The following CHD8 variants were observed in gnomAD, a reference collection of about 807,000 sequenced individuals.
The protein encoded by CHD8 is ATP-dependent chromatin remodeler CHD8.
CHD8 carries 31 observed loss-of-function variants against 279.2 expected under a neutral mutation model. The observed-to-expected ratio is 0.11, with a 90% CI of 0.08 to 0.15. The LOEUF (loss-of-function observed/expected upper bound fraction) is 0.15. CHD8 is among the 10% of genes least tolerant of loss of function. The probability of loss-of-function intolerance (pLI) is 1.00; values close to 1 mark genes in which losing one functional copy is unlikely to be tolerated. For synonymous variants in CHD8, 1,081 were observed against 1,139.6 expected (o/e 0.95, Z 1.04); for missense variants, 2,146 against 3,230.5 (o/e 0.66, Z 8.14).
At chr14:21,412,070 A>C (rs1389073153) in intron 10 of CHD8, among the ~76,000 whole-genome samples, 1 of 152,004 alleles carries the variant, frequency 6.6e-6, no homozygotes, top group Non-Finnish European at 1.5e-5. Flanking sequence ...CTCAAAAAAA[A>C]ACCAAAAAAA....
In CHD8 at chr14:21,387,638, CAAAAA is replaced by C. The variant is rs34278173; in HGVS notation, c.7183-1467_7183-1463del. Among the ~76,000 whole-genome samples, 9 of 68,502 alleles carry C rather than the reference CAAAAA, an allele frequency of 1.3e-4. 1 individual carries two copies. Among genetic ancestry groups the C allele is most frequent in the Non-Finnish European group, 2.1e-4 (8 of 37,514 alleles). The allele number at this position is 68,502 out of a possible 152,430, so 44.9% of individuals were successfully genotyped here. A position where few individuals can be genotyped will look rare whatever the true frequency, so the allele number is the denominator to read the frequency against. Reference sequence around the variant, plus strand: ...GGACAACAAGAGTGAAACTCTGTATCAAAAAAAAAAAAAAAAAAAAAGCTGGGTGT... The same window carrying C: ...GGACAACAAGAGTGAAACTCTGTATCAAAAAAAAAAAAAAAAGCTGGGTGT... On this transcript the variant is annotated intron_variant, in intron 37 of 37. Transcript: ENST00000646647.
chr14:21,388,518 G>T (rs778270048), intron 37 of CHD8, among the ~76,000 whole-genome samples: 7 of 152,092 alleles, frequency 4.6e-5, no homozygotes, highest in Non-Finnish European at 1.0e-4. Flanking sequence ...TTGAGGCAGG[G>T]TCTCACACTC....
intron 1 of CHD8, among the ~76,000 whole-genome samples, chr14:21,442,028 C>T (rs1369788449): frequency 6.6e-6 from 1 of 152,188 alleles, no homozygotes; most frequent in Non-Finnish European, 1.5e-5. Flanking sequence ...TTATTAGCAA[C>T]TAAGTGTTAG....
chr14:21,414,178 T>G (rs1888623043), intron 9 of CHD8, 123 bp downstream of exon 9: 2 of 612,488 alleles, frequency 3.3e-6, no homozygotes, highest in East Asian at 2.8e-5. Flanking sequence ...TGACCAAAAT[T>G]GAAAGTTTAC....
At chr14:21,395,618 T>C (rs1448944980) in intron 28 of CHD8, 199 bp downstream of exon 28, 1 of 595,664 alleles carries the variant, frequency 1.7e-6, no homozygotes, top group Non-Finnish European at 3.0e-6. Context: ...AGTGTCCAGC[T>C]CCTCCATAAA....
chr14:21,399,925 C>A (rs1477726614), intron 25 of CHD8, 56 bp downstream of exon 25: 1 of 1,407,876 alleles, frequency 7.1e-7, no homozygotes, highest in Non-Finnish European at 1.0e-6. Context: ...ATAAGCAAAC[C>A]AATCTTCCCT....
At chr14:21,386,830 C>T (rs1488891723) in intron 37 of CHD8, among the ~76,000 whole-genome samples, 1 of 122,186 alleles carries the variant, frequency 8.2e-6, no homozygotes, top group Non-Finnish European at 1.8e-5. Context: ...CAGCGAGACT[C>T]CGTCTCAAAA....
intron 20 of CHD8, 33 bp from the exon 21 acceptor site, chr14:21,401,546 CTTTTT>C: frequency 2.3e-6 from 2 of 874,330 alleles, no homozygotes; most frequent in Non-Finnish European, 3.3e-6. Context: ...GTAAAGCTGA[CTTTTT>C]TTTTTAAGTG....
intron 28 of CHD8, 52 bp from the exon 29 acceptor site, chr14:21,395,404 A>T (rs924890568): frequency 7.7e-7 from 1 of 1,295,586 alleles, no homozygotes; most frequent in Non-Finnish European, 1.1e-6. Context: ...AAAGGGGGGG[A>T]AGTTGGCACT....
At chr14:21,418,549 C>A (rs1354791573) in intron 5 of CHD8, among the ~76,000 whole-genome samples, 7 of 145,158 alleles carry the variant, frequency 4.8e-5, no homozygotes, top group Non-Finnish European at 1.1e-4. Flanking sequence ...GGCGCGGTGG[C>A]CCACGCCTGT....
At chr14:21,429,526 T>C in intron 2 of CHD8, 191 bp from the exon 3 acceptor site, 1 of 740,920 alleles carries the variant, frequency 1.3e-6, no homozygotes, top group South Asian at 1.4e-5. Flanking sequence ...GGTCTCGCTG[T>C]ATTGCCCAGG....
At chr14:21,427,752 C>A in intron 4 of CHD8, 117 bp downstream of exon 4, 1 of 1,524,770 alleles carries the variant, frequency 6.6e-7, no homozygotes, top group South Asian at 1.3e-5. Flanking sequence ...TGCTCTTGCC[C>A]TTTGTTTTGG....
In CHD8 at chr14:21,416,083, C is replaced by G. The variant is rs1282952522; in HGVS notation, c.1717-176G>C. The G allele has an allele frequency of 5.7e-6, 3 of 521,898 alleles. No individual in the cohort carries two copies. The East Asian group carries it at 9.2e-5, about 16-fold the overall frequency. The allele number at this position is 521,898 out of a possible 1,614,324, so 32.3% of individuals were successfully genotyped here. ...CAATGTGATTATGCTATGTACTGACCATATATCAATTTGCTTAACTGCTTT... is the reference window on the plus strand; with the variant it reads ...CAATGTGATTATGCTATGTACTGACGATATATCAATTTGCTTAACTGCTTT... On this transcript the variant is annotated intron_variant, in intron 5 of 37. Transcript: ENST00000646647.
chr14:21,438,737 C>T (rs1889882564), intron 1 of CHD8, among the ~76,000 whole-genome samples: 1 of 151,732 alleles, frequency 6.6e-6, no homozygotes, highest in Non-Finnish European at 1.5e-5. Flanking sequence ...GAAGCTGAGG[C>T]AGAATCGCTT....
In CHD8 at chr14:21,386,060, C is replaced by A; in HGVS notation, c.7299G>T (p.Met2433Ile). ...RPDLSKMMAL[M>I]QGGSTGSLSL... ...ATAGAGACCCAGTGCTTCCACCCTG[C>A]ATGAGGGCCATCATCTTAGAAAGGT... is the stretch of plus-strand genomic sequence containing the variant. The change falls in exon 38 of 38, where the codon ATG becomes ATT. Residue 2433 changes from methionine to isoleucine, a missense_variant. Physicochemically the swap from Met to Ile is conservative, Grantham distance 10. Around this residue, in one of 26 missense-constraint regions of CHD8, gnomAD observed 336 missense variants for 392.9 expected, o/e 0.86. Transcript: ENST00000646647. 3 of 1,588,464 alleles carry A rather than the reference C, an allele frequency of 1.9e-6. No individual in the cohort carries two copies. The East Asian group carries it at 6.8e-5, about 36-fold the overall frequency.
chr14:21,434,491 A>ATT (rs33999210), intron 1 of CHD8, among the ~76,000 whole-genome samples: 1 of 145,270 alleles, frequency 6.9e-6, no homozygotes, highest in Non-Finnish European at 1.5e-5. Flanking sequence ...TTAGGCCCAG[A>ATT]TTTTTTTTTT....
intron 1 of CHD8, among the ~76,000 whole-genome samples, chr14:21,452,595 G>C (rs535157242): frequency 5.9e-5 from 9 of 152,072 alleles, no homozygotes; most frequent in Non-Finnish European, 1.3e-4. Context: ...AGTAAGCCGA[G>C]ATCGCGCCAC....
intron 37 of CHD8, 110 bp downstream of exon 37, chr14:21,390,837 A>G: frequency 1.5e-6 from 1 of 660,134 alleles, no homozygotes; most frequent in South Asian, 1.9e-5. Flanking sequence ...TTCTTCACAC[A>G]AACAAACATA....
At chr14:21,442,947 G>A (rs902483220) in intron 1 of CHD8, among the ~76,000 whole-genome samples, 5 of 152,154 alleles carry the variant, frequency 3.3e-5, no homozygotes, top group African/African-American at 1.2e-4. Context: ...CCATTCTGAA[G>A]AATGTAGCTG....
Sources: gnomAD v4.1 joint callset for allele counts (sites outside exome capture counted in the v4.1 genomes callset) on GRCh38, gnomAD v4.1.1 for gene constraint, gnomAD v4.1.1 regional missense constraint, MANE v1.5 for transcripts, NCBI Gene and HGNC (gene_info 2026-07-23, HGNC 2026-07-21) for gene names.